Variants in ATXN8OS observed in about 807,000 individuals in gnomAD.
The protein encoded by ATXN8OS is ATXN8 opposite strand (non-protein coding).
At chr13:70,122,664 T>C (rs1888377618) in intron 2 of ATXN8OS, among the ~76,000 whole-genome samples, 1 of 152,048 alleles carries the variant, frequency 6.6e-6, no homozygotes. Flanking sequence ...CTATGGTATG[T>C]ATATTTGAGG....
At chr13:70,168,391 T>C (rs917401983) in intron 4 of ATXN8OS, among the ~76,000 whole-genome samples, 7 of 152,064 alleles carry the variant, frequency 4.6e-5, no homozygotes, top group African/African-American at 1.7e-4. Flanking sequence ...CTCTTCTAGC[T>C]ATTTTGAAAT....
intron 2 of ATXN8OS, among the ~76,000 whole-genome samples, chr13:70,124,589 A>G (rs1027502227): frequency 6.6e-6 from 1 of 152,114 alleles, no homozygotes; most frequent in Admixed American, 6.6e-5. Flanking sequence ...AAGGGAGGGA[A>G]AGTAATTAAA....
chr13:70,145,183 G>A (rs1310760221), intron 3 of ATXN8OS, among the ~76,000 whole-genome samples: 1 of 152,042 alleles, frequency 6.6e-6, no homozygotes, highest in Non-Finnish European at 1.5e-5. Context: ...TTATTTCTGA[G>A]GGCTCTGTTC....
In ATXN8OS at chr13:70,157,848, A is replaced by G. The variant is rs117190852; in HGVS notation, n.573+10420A>G. On this transcript the variant is annotated intron_variant and non_coding_transcript_variant, in intron 4 of 4. Transcript: ENST00000678624. ...GATCCTGAAAGAAAGCCTACAGGAA[A>G]GACAAAAAATACATATTTTCACTAA... Among the ~76,000 whole-genome samples the G allele has an allele frequency of 6.4e-3, 972 of 152,322 alleles. 8 individuals carry two copies. The highest frequency in any genetic ancestry group is 0.011 in the Admixed American group (161 of 15,300).
At chr13:70,121,990 TAA>T (rs1888366035) in intron 2 of ATXN8OS, among the ~76,000 whole-genome samples, 1 of 152,106 alleles carries the variant, frequency 6.6e-6, no homozygotes, top group African/African-American at 2.4e-5. Flanking sequence ...TCTAAAGATT[TAA>T]AAATTATATA....
chr13:70,126,890 T>C (rs190686932), intron 2 of ATXN8OS, among the ~76,000 whole-genome samples: 130 of 151,864 alleles, frequency 8.6e-4, no homozygotes, highest in African/African-American at 2.8e-3. Flanking sequence ...GAGTTTTCTA[T>C]AGATAACTCT....
chr13:70,167,583 C>A (rs966739785), intron 4 of ATXN8OS, among the ~76,000 whole-genome samples: 15 of 151,814 alleles, frequency 9.9e-5, no homozygotes, highest in African/African-American at 3.4e-4. Context: ...ATGGGTGCAG[C>A]ACACCAACAA....
chr13:70,131,283 T>C (rs75935852), intron 3 of ATXN8OS: 6,300 of 398,506 alleles, frequency 0.016, 161 homozygotes, highest in African/African-American at 0.076. Flanking sequence ...GTCTATGCTA[T>C]GAACATCTCT....
intron 3 of ATXN8OS, among the ~76,000 whole-genome samples, chr13:70,133,025 C>A (rs1022673609): frequency 3.9e-5 from 6 of 152,174 alleles, no homozygotes; most frequent in Non-Finnish European, 8.8e-5. Flanking sequence ...AACCCTTAAA[C>A]TATCATTGCA....
In ATXN8OS at chr13:70,112,400, T is replaced by C. The variant is rs546952319; in HGVS notation, n.241-2741T>C. ...ATGTATACATTAAATAAAAATTGTT[T>C]TGCAGTGACTTTTTTTCCCAAAATG... On this transcript the variant is annotated intron_variant and non_coding_transcript_variant, in intron 1 of 4. Coordinates refer to ENST00000678624, the Ensembl canonical transcript of ATXN8OS. Among the ~76,000 whole-genome samples, 259 of 152,268 alleles carry C rather than the reference T, an allele frequency of 1.7e-3. 1 individual carries two copies. Among genetic ancestry groups the C allele is most frequent in the African/African-American group, 6.1e-3 (252 of 41,552 alleles).
exon 1 of ATXN8OS, chr13:70,107,913 G>A (rs1311969422): frequency 9.8e-6 from 5 of 510,936 alleles, no homozygotes; most frequent in Non-Finnish European, 1.7e-5. Flanking sequence ...GGTCGGGTCC[G>A]CAGGACCTGG....
At chr13:70,115,088 A>G (rs1888254986) in intron 1 of ATXN8OS, 2 of 396,890 alleles carry the variant, frequency 5.0e-6, no homozygotes, top group African/African-American at 4.1e-5. Flanking sequence ...CTGCTATAAC[A>G]GAACACTACA....
Position 70,143,087 on chromosome 13 carries a change from A to C in ATXN8OS, n.500-4268A>C, listed in dbSNP as rs111621083. Among the ~76,000 whole-genome samples, 971 of 151,528 alleles carry C rather than the reference A, an allele frequency of 6.4e-3. 6 individuals are homozygous for C. The highest frequency in any genetic ancestry group is 0.022 in the African/African-American group (930 of 41,466). ...CGTCTAAAAAAAAAAAAAAATCGTA[A>C]ATGTACATGACATTTACAAATACAG... On this transcript the variant is annotated intron_variant and non_coding_transcript_variant, in intron 3 of 4. Coordinates refer to ENST00000678624, the Ensembl canonical transcript of ATXN8OS.
intron 3 of ATXN8OS, among the ~76,000 whole-genome samples, chr13:70,146,335 C>A (rs1224637853): frequency 6.7e-6 from 1 of 150,030 alleles, no homozygotes; most frequent in Middle Eastern, 3.4e-3. Flanking sequence ...ACTAGTTCAA[C>A]CATTGTGGAA....
At chr13:70,112,920 A>ATATATTTTTTTTTTTTTTTT (rs1555298511) in intron 1 of ATXN8OS, among the ~76,000 whole-genome samples, 1 of 87,590 alleles carries the variant, frequency 1.1e-5, no homozygotes, top group Admixed American at 1.4e-4. Flanking sequence ...TATATATATA[A>ATATATTTTTTTTTTTTTTTT]TTTTTTTTTT....
chr13:70,108,396 A>G (rs1354170855), intron 1 of ATXN8OS: 1 of 167,630 alleles, frequency 6.0e-6, no homozygotes, highest in Non-Finnish European at 1.3e-5. Context: ...ATTCTAGCGC[A>G]TATAGGGAGG....
chr13:70,110,999 T>C (rs867995613), intron 1 of ATXN8OS, among the ~76,000 whole-genome samples: 19 of 152,330 alleles, frequency 1.2e-4, no homozygotes, highest in Middle Eastern at 3.4e-3. Flanking sequence ...TCTAACACTA[T>C]TGAATTAAAT....
intron 4 of ATXN8OS, among the ~76,000 whole-genome samples, chr13:70,154,328 AC>A (rs1448595187): frequency 2.0e-5 from 3 of 152,104 alleles, no homozygotes; most frequent in African/African-American, 2.4e-5. Flanking sequence ...TAACATTTCT[AC>A]CCAATTCCAA....
At chr13:70,124,888 TA>T (rs1326522570) in intron 2 of ATXN8OS, among the ~76,000 whole-genome samples, 1 of 151,972 alleles carries the variant, frequency 6.6e-6, no homozygotes, top group African/African-American at 2.4e-5. Context: ...ATTTCTTCTT[TA>T]TTCTCTTTCA....
Sources: gnomAD v4.1 joint callset for allele counts (sites outside exome capture counted in the v4.1 genomes callset) on GRCh38, gnomAD v4.1.1 for gene constraint, MANE v1.5 for transcripts, NCBI Gene and HGNC (gene_info 2026-07-23, HGNC 2026-07-21) for gene names.